Variants in UTS2B observed in about 807,000 individuals in gnomAD.
UTS2B encodes the protein urotensin-2B.
Under a neutral mutation model 19.2 loss-of-function variants are expected in UTS2B, and 21 were observed. That is an observed-to-expected ratio of 1.09 (90% confidence interval 0.78 to 1.58). The LOEUF (loss-of-function observed/expected upper bound fraction) is 1.58. Ranked by LOEUF, UTS2B falls within the 40% of genes most tolerant of loss-of-function variation. UTS2B has a pLI of 0.00. For missense variants in UTS2B, 138 were observed against 130.3 expected (o/e 1.06, Z -0.29); for synonymous variants, 57 against 50.2 (o/e 1.14, Z -0.58).
chr3:191,284,356 C>G (rs1387808478), intron 4 of UTS2B, among the ~76,000 whole-genome samples: 1 of 151,878 alleles, frequency 6.6e-6, no homozygotes, highest in African/African-American at 2.4e-5. Flanking sequence ...GAGTCTCTCT[C>G]TGTCGCCCAG....
intron 3 of UTS2B, among the ~76,000 whole-genome samples, chr3:191,306,241 T>C (rs1333243238): frequency 6.6e-6 from 1 of 152,214 alleles, no homozygotes; most frequent in East Asian, 1.9e-4. Flanking sequence ...GTATTGAATG[T>C]ATACATTGGT....
At chr3:191,333,309 C>T (rs1478911446), upstream of UTS2B, among the ~76,000 whole-genome samples, 1 of 152,186 alleles carries the variant, frequency 6.6e-6, no homozygotes, top group Non-Finnish European at 1.5e-5. Context: ...GTTCAGGGCA[C>T]TCCAGTGGCA....
chr3:191,344,168 A>G, the UTS2B span, among the ~76,000 whole-genome samples: 1 of 152,238 alleles, frequency 6.6e-6, no homozygotes, highest in Non-Finnish European at 1.5e-5. Context: ...GCATGCATGC[A>G]CATGCAGAAG....
intron 4 of UTS2B, among the ~76,000 whole-genome samples, chr3:191,294,254 T>A (rs1055850643): frequency 6.6e-6 from 1 of 151,936 alleles, no homozygotes; most frequent in Non-Finnish European, 1.5e-5. Context: ...TTAGAATCAT[T>A]ACCTAAGGGG....
At chr3:191,338,300 G>A in the UTS2B span, among the ~76,000 whole-genome samples, 1 of 152,102 alleles carries the variant, frequency 6.6e-6, no homozygotes, top group Admixed American at 6.5e-5. Flanking sequence ...TTTATATTAT[G>A]AAGGTCTGTG....
At chr3:191,287,699 A>G (rs115200374) in intron 4 of UTS2B, among the ~76,000 whole-genome samples, 5,017 of 152,188 alleles carry the variant, frequency 0.033, 159 homozygotes, top group Admixed American at 0.092. Context: ...CAGAAACAAA[A>G]TAAGTATGCC....
intron 4 of UTS2B, 149 bp from the exon 5 acceptor site, chr3:191,282,462 A>G: frequency 3.1e-6 from 1 of 317,834 alleles, no homozygotes; most frequent in African/African-American, 2.1e-5. Context: ...ATACCCGCCC[A>G]CTTCACTAAA....
intron 4 of UTS2B, among the ~76,000 whole-genome samples, chr3:191,303,094 C>T (rs1312632189): frequency 2.0e-5 from 3 of 152,162 alleles, no homozygotes; most frequent in African/African-American, 4.8e-5. Flanking sequence ...GCATTTGTTC[C>T]TCATGTGTTT....
intron 4 of UTS2B, among the ~76,000 whole-genome samples, chr3:191,284,858 AAGG>A (rs1023724566): frequency 2.0e-5 from 3 of 152,088 alleles, no homozygotes; most frequent in African/African-American, 7.2e-5. Flanking sequence ...TTCCAAAATG[AAGG>A]AGATGTAAAG....
At chr3:191,308,208 C>A (rs1006296159) in intron 3 of UTS2B, among the ~76,000 whole-genome samples, 1 of 152,156 alleles carries the variant, frequency 6.6e-6, no homozygotes, top group Non-Finnish European at 1.5e-5. Flanking sequence ...CGAGAGCTAT[C>A]GCTAGAACTT....
At chr3:191,313,643 C>T (rs947045620) in intron 3 of UTS2B, among the ~76,000 whole-genome samples, 34 of 151,784 alleles carry the variant, frequency 2.2e-4, no homozygotes, top group African/African-American at 6.5e-4. Context: ...TGCACATAGA[C>T]GCAGCTTAGT....
chr3:191,292,141 G>A (rs960705958), intron 4 of UTS2B, among the ~76,000 whole-genome samples: 1 of 150,106 alleles, frequency 6.7e-6, no homozygotes, highest in Admixed American at 6.7e-5. Flanking sequence ...AGAGGTTGCA[G>A]GAGGGAAGCT....
intron 4 of UTS2B, among the ~76,000 whole-genome samples, chr3:191,298,355 T>C (rs1257447214): frequency 6.6e-6 from 1 of 152,170 alleles, no homozygotes; most frequent in African/African-American, 2.4e-5. Flanking sequence ...GTTTGGATCA[T>C]GGGGTAGATT....
chr3:191,302,992 C>A (rs1560141853), intron 4 of UTS2B, among the ~76,000 whole-genome samples: 1 of 152,082 alleles, frequency 6.6e-6, no homozygotes. Flanking sequence ...CATCAAATAG[C>A]GAAGATTAAC....
At chr3:191,318,503 C>G (rs1452159173) in intron 2 of UTS2B, among the ~76,000 whole-genome samples, 1 of 152,192 alleles carries the variant, frequency 6.6e-6, no homozygotes, top group Non-Finnish European at 1.5e-5. Context: ...CAATCTCACT[C>G]TGTCACCCAG....
At chr3:191,274,749 A>AT (rs1381259097) in intron 8 of UTS2B, among the ~76,000 whole-genome samples, 3 of 152,190 alleles carry the variant, frequency 2.0e-5, no homozygotes, top group African/African-American at 4.8e-5. Context: ...ACAGGAATAC[A>AT]TTTTTTTCAA....
chr3:191,293,067 TTTTG>T (rs757502461), intron 4 of UTS2B, among the ~76,000 whole-genome samples: 10 of 152,214 alleles, frequency 6.6e-5, no homozygotes, highest in Non-Finnish European at 1.5e-4. Context: ...ATTGATTAAT[TTTTG>T]TTTGTTAAAT....
intron 4 of UTS2B, among the ~76,000 whole-genome samples, chr3:191,302,988 A>T (rs1171883969): frequency 6.6e-6 from 1 of 152,184 alleles, no homozygotes; most frequent in African/African-American, 2.4e-5. Context: ...ATATCATCAA[A>T]TAGCGAAGAT....
chr3:191,310,320 A>G (rs1382185627), intron 3 of UTS2B, among the ~76,000 whole-genome samples: 2 of 151,808 alleles, frequency 1.3e-5, no homozygotes, highest in African/African-American at 2.4e-5. Flanking sequence ...GAAGATAGAG[A>G]TAACATCCCC....
Sources: gnomAD v4.1 joint callset for allele counts (sites outside exome capture counted in the v4.1 genomes callset) on GRCh38, gnomAD v4.1.1 for gene constraint, MANE v1.5 for transcripts, NCBI Gene and HGNC (gene_info 2026-07-23, HGNC 2026-07-21) for gene names.